NRG1: variants seen among roughly 807,000 people sequenced by gnomAD.
The protein encoded by NRG1 is pro-neuregulin-1, membrane-bound isoform.
A neutral mutation model predicts 63.8 loss-of-function variants in NRG1; 18 were observed. That is an observed-to-expected ratio of 0.28 (90% CI 0.19 to 0.42). The LOEUF is 0.42. Among genes scored for constraint, NRG1 ranks in the 10% least tolerant of loss-of-function variants. NRG1 has a pLI of 1.00. For synonymous variants in NRG1, 302 were observed against 301.3 expected (o/e 1.00, Z -0.02); for missense variants, 762 against 814.7 (o/e 0.94, Z 0.79).
intron 5 of NRG1, among the ~76,000 whole-genome samples, chr8:32,644,368 G>A (rs962110201): frequency 6.6e-6 from 1 of 152,120 alleles, no homozygotes; most frequent in Non-Finnish European, 1.5e-5. Flanking sequence ...TTATCCAAAG[G>A]AAATTCTGAC....
intron 5 of NRG1, among the ~76,000 whole-genome samples, chr8:32,681,187 A>G (rs1448575523): frequency 6.6e-6 from 1 of 152,200 alleles, no homozygotes; most frequent in African/African-American, 2.4e-5. Context: ...TTTTCTGGTA[A>G]TCTGCAAAAT....
intron 1 of NRG1, among the ~76,000 whole-genome samples, chr8:32,591,998 C>T (rs1012107000): frequency 2.0e-5 from 3 of 151,830 alleles, no homozygotes; most frequent in Admixed American, 1.3e-4. Context: ...CACGCACACA[C>T]AGACACACAT....
At chr8:32,290,614 C>T (rs578239226) in intron 1 of NRG1, among the ~76,000 whole-genome samples, 1 of 152,052 alleles carries the variant, frequency 6.6e-6, no homozygotes, top group African/African-American at 2.4e-5. Context: ...CTGTCTTATG[C>T]CCACGTGAAG....
intron 1 of NRG1, among the ~76,000 whole-genome samples, chr8:32,566,804 T>A (rs959692246): frequency 6.6e-6 from 1 of 152,124 alleles, no homozygotes; most frequent in African/African-American, 2.4e-5. Flanking sequence ...AATTTGTTGA[T>A]CTGAAGAGTA....
At chr8:31,754,443 C>T (rs1816772331) in intron 1 of NRG1, among the ~76,000 whole-genome samples, 1 of 152,126 alleles carries the variant, frequency 6.6e-6, no homozygotes, top group Admixed American at 6.6e-5. Context: ...CCCTCTTTGC[C>T]TTCCACCATG....
intron 1 of NRG1, among the ~76,000 whole-genome samples, chr8:32,164,552 TAAA>T: frequency 6.6e-6 from 1 of 152,168 alleles, no homozygotes; most frequent in East Asian, 1.9e-4. Context: ...GCCTTCTCTT[TAAA>T]TTTTAACACT....
intron 1 of NRG1, among the ~76,000 whole-genome samples, chr8:31,692,133 C>G (rs1809596106): frequency 6.6e-6 from 1 of 152,282 alleles, no homozygotes; most frequent in East Asian, 1.9e-4. Context: ...CATGCTTGAC[C>G]ATGTGAATAT....
intron 1 of NRG1, among the ~76,000 whole-genome samples, chr8:32,235,975 A>C (rs1175330465): frequency 6.6e-6 from 1 of 152,170 alleles, no homozygotes; most frequent in Non-Finnish European, 1.5e-5. Flanking sequence ...GAACTGTTCA[A>C]CTTCCAAGCA....
chr8:31,751,059 T>A (rs1488389347), intron 1 of NRG1, among the ~76,000 whole-genome samples: 2 of 152,000 alleles, frequency 1.3e-5, no homozygotes, highest in African/African-American at 4.8e-5. Flanking sequence ...TGTTTTTATT[T>A]CAATCCCCAA....
intron 1 of NRG1, among the ~76,000 whole-genome samples, chr8:31,788,494 T>C (rs1305465283): frequency 3.9e-5 from 6 of 152,126 alleles, no homozygotes; most frequent in Non-Finnish European, 2.9e-5. Flanking sequence ...CTCTTAGAAG[T>C]CATGGAAGCA....
intron 5 of NRG1, among the ~76,000 whole-genome samples, chr8:32,688,310 C>T (rs1810716640): frequency 6.6e-6 from 1 of 152,178 alleles, no homozygotes; most frequent in Non-Finnish European, 1.5e-5. Context: ...CTCACCTAAA[C>T]TTCTGTGCCC....
intron 1 of NRG1, among the ~76,000 whole-genome samples, chr8:32,382,227 C>A (rs375820235): frequency 3.9e-5 from 6 of 152,056 alleles, no homozygotes; most frequent in African/African-American, 1.4e-4. Context: ...TAGCAGGTGT[C>A]AGAATCCAGT....
chr8:32,270,121 T>C (rs577966763), intron 1 of NRG1, among the ~76,000 whole-genome samples: 39 of 152,348 alleles, frequency 2.6e-4, no homozygotes, highest in East Asian at 5.8e-4. Context: ...CATTTTAATA[T>C]GCTGTGAAGG....
chr8:31,806,330 T>C (rs1822281820), intron 1 of NRG1, among the ~76,000 whole-genome samples: 2 of 152,184 alleles, frequency 1.3e-5, no homozygotes, highest in South Asian at 4.1e-4. Flanking sequence ...AAACCTGATA[T>C]TAAGCTAAAT....
At chr8:31,993,023 G>A (rs1269156116) in intron 1 of NRG1, among the ~76,000 whole-genome samples, 1 of 151,928 alleles carries the variant, frequency 6.6e-6, no homozygotes, top group Non-Finnish European at 1.5e-5. Context: ...ACTGATCTGG[G>A]ATACAGAAGG....
chr8:32,466,466 G>C (rs1214685143), intron 1 of NRG1, among the ~76,000 whole-genome samples: 4 of 151,690 alleles, frequency 2.6e-5, no homozygotes, highest in Non-Finnish European at 5.9e-5. Flanking sequence ...CAGCATTGAT[G>C]CTTGTTATGT....
intron 5 of NRG1, among the ~76,000 whole-genome samples, chr8:32,719,965 G>A (rs543253058): frequency 9.9e-5 from 15 of 151,954 alleles, no homozygotes; most frequent in Admixed American, 2.6e-4. Flanking sequence ...AGGTTGATTC[G>A]GTATCCATTG....
chr8:32,322,355 T>TTATA (rs149742517), intron 1 of NRG1, among the ~76,000 whole-genome samples: 20,654 of 142,348 alleles, frequency 0.15, 1,557 homozygotes, highest in South Asian at 0.18. Context: ...CAACCTTATT[T>TTATA]TATATATATA....
At chr8:32,485,438 TC>T (rs930772629) in intron 1 of NRG1, among the ~76,000 whole-genome samples, 15 of 152,168 alleles carry the variant, frequency 9.9e-5, no homozygotes, top group African/African-American at 3.6e-4. Context: ...TTCTGCTTCC[TC>T]TCTCATATTA....
Sources: gnomAD v4.1 joint callset for allele counts (sites outside exome capture counted in the v4.1 genomes callset) on GRCh38, gnomAD v4.1.1 for gene constraint, MANE v1.5 for transcripts, NCBI Gene and HGNC (gene_info 2026-07-23, HGNC 2026-07-21) for gene names.